Variants in DCHS2 observed in about 807,000 individuals in gnomAD.
The protein encoded by DCHS2 is protocadherin-23.
Under a neutral mutation model 182.4 loss-of-function variants are expected in DCHS2, and 142 were observed. That is an observed-to-expected ratio of 0.78 (90% CI 0.68 to 0.89). The LOEUF (loss-of-function observed/expected upper bound fraction) is 0.89. DCHS2 is among the 40% of genes least tolerant of loss of function. DCHS2 has a pLI of 0.00. For synonymous variants in DCHS2, 1,740 were observed against 1,663.3 expected (o/e 1.05, Z -1.12); for missense variants, 4,319 against 4,198.6 (o/e 1.03, Z -0.79).
At chr4:154,382,217 G>A (rs536685641) in intron 1 of DCHS2, among the ~76,000 whole-genome samples, 2 of 152,192 alleles carry the variant, frequency 1.3e-5, no homozygotes, top group Admixed American at 6.5e-5. Flanking sequence ...TGGGGTAGCT[G>A]GCTAGCCATA....
At position 154,290,870 on chromosome 4, in the gene DCHS2, T is replaced by G. The variant is rs117392057; in HGVS notation, c.6463+6981A>C. Among the ~76,000 whole-genome samples, 37 of 152,120 alleles carry G rather than the reference T, an allele frequency of 2.4e-4. No individual in the cohort carries two copies. In the East Asian group the frequency reaches 6.2e-3, roughly 25 times the overall value. The stretch of plus-strand genomic sequence containing the variant: ...ACATTGGGGAAACGCTCTAGGAAAT[T>G]GGAGTGGGAGTAGATTTCTTGAGTA... On this transcript the variant is annotated intron_variant, in intron 13 of 19. Coordinates refer to ENST00000357232, the MANE Select transcript of DCHS2 (RefSeq NM_001358235.2).
intron 1 of DCHS2, among the ~76,000 whole-genome samples, chr4:154,457,608 A>G (rs1187611013): frequency 6.6e-6 from 1 of 152,208 alleles, no homozygotes; most frequent in African/African-American, 2.4e-5. Flanking sequence ...AACAACCAGC[A>G]GCAGTAGTGT....
intron 13 of DCHS2, among the ~76,000 whole-genome samples, chr4:154,274,181 C>T (rs1250895847): frequency 6.6e-6 from 1 of 152,134 alleles, no homozygotes; most frequent in Non-Finnish European, 1.5e-5. Context: ...GCTGAAGATT[C>T]TGGGCTTTTC....
At chr4:154,331,943 TCC>T (rs1285790583) in intron 5 of DCHS2, among the ~76,000 whole-genome samples, 2 of 152,226 alleles carry the variant, frequency 1.3e-5, no homozygotes, top group African/African-American at 4.8e-5. Flanking sequence ...CTGTAATTAT[TCC>T]CCCTTTTCCT....
chr4:154,400,051 C>T (rs1291374476), intron 1 of DCHS2, among the ~76,000 whole-genome samples: 2 of 152,108 alleles, frequency 1.3e-5, no homozygotes, highest in Admixed American at 6.5e-5. Context: ...TGCCTGTAAT[C>T]CCAGCACTTT....
chr4:154,382,434 G>GA (rs2110822199), intron 1 of DCHS2, among the ~76,000 whole-genome samples: 1 of 152,024 alleles, frequency 6.6e-6, no homozygotes, highest in Non-Finnish European at 1.5e-5. Flanking sequence ...ATTGGCCTTG[G>GA]AAAAAAATTT....
chr4:154,330,566 C>T (rs868434958), intron 5 of DCHS2, among the ~76,000 whole-genome samples: 3 of 151,962 alleles, frequency 2.0e-5, no homozygotes, highest in East Asian at 1.9e-4. Flanking sequence ...GATTTCCTCA[C>T]CATTTATGAA....
Position 154,489,411 on chromosome 4 carries a change from CCAGGCA to C in DCHS2, c.1939_1944del (p.Cys647_Leu648del). 1 of 1,551,744 alleles carries C rather than the reference CCAGGCA, an allele frequency of 6.4e-7. No homozygotes were observed. Among genetic ancestry groups the C allele is most frequent in the Non-Finnish European group, 8.7e-7 (1 of 1,147,000 alleles). The stretch of plus-strand genomic sequence containing the variant: ...TTCACATCATCTACGGTGATGCTCA[CCAGGCA>C]GGTGGCAGAGAGTGGGGGCTCTCCG... On this transcript the variant is annotated inframe_deletion, in exon 1 of 20. Coordinates refer to ENST00000357232, the MANE Select transcript of DCHS2 (RefSeq NM_001358235.2).
intron 7 of DCHS2, among the ~76,000 whole-genome samples, chr4:154,323,698 A>C (rs76710004): frequency 0.012 from 1,857 of 152,332 alleles, 12 homozygotes; most frequent in Middle Eastern, 0.054. Flanking sequence ...TGCAGTCAAA[A>C]CACAGTCAAA....
chr4:154,417,190 TGTGTGTGTGTGTGTGAGAGAGAGA>T (rs1560745700), intron 1 of DCHS2, among the ~76,000 whole-genome samples: 6 of 109,580 alleles, frequency 5.5e-5, no homozygotes, highest in Non-Finnish European at 9.4e-5. Flanking sequence ...TGTGTGTGTG[TGTGTGTGTGTGTGTGAGAGAGAGA>T]GAGAGAGAGA....
rs753273874 is a variant in DCHS2 at position 154,320,656 on chromosome 4, T to A, written c.4743A>T (p.Pro1581=). 1 of 1,614,162 alleles carries A rather than the reference T, an allele frequency of 6.2e-7. No individual in the cohort carries two copies. The highest frequency in any genetic ancestry group is 8.5e-7 in the Non-Finnish European group (1 of 1,180,028). ...ATGCTGTTACTGTCAGGATGACAGT[T>A]GGAATGCTTTCTCTGTCAAGACGGG... ...TVSRLDRESI[P]TVILTVTASD... The change falls in exon 9 of 20, where the codon CCA becomes CCT. Residue 1581 remains proline (P), a synonymous_variant. Transcript: ENST00000357232.
At chr4:154,417,204 T>TGAGAGAGA (rs70947163) in intron 1 of DCHS2, among the ~76,000 whole-genome samples, 1,396 of 39,320 alleles carry the variant, frequency 0.036, 116 homozygotes, top group East Asian at 0.057. Context: ...TGTGTGTGTG[T>TGAGAGAGA]GAGAGAGAGA....
In DCHS2 at chr4:154,333,404, C is replaced by T. The variant is rs1561050201; in HGVS notation, c.2804G>A (p.Arg935Gln). Residue 935 changes from arginine to glutamine, a missense_variant, in exon 5 of 20, where the codon CGG (arginine) becomes CAG (glutamine). By Grantham distance (43) the Arg-to-Gln change is conservative. Coordinates refer to ENST00000357232, the MANE Select transcript of DCHS2 (RefSeq NM_001358235.2). ...CTGCGTCTCGTGATCCAGGGGCTTC[C>T]GGGTGCGAATAGTGCCCAGCCGCGG... The part of the protein sequence containing the change: ...IHPRLGTIRT[R>Q]KPLDHETQPV... 4.3e-6 allele frequency: 7 copies of T among 1,614,062 alleles called. No homozygotes were observed. Among genetic ancestry groups the T allele is most frequent in the Non-Finnish European group, 5.9e-6 (7 of 1,180,018 alleles).
At chr4:154,341,154 G>A (rs1729056455) in intron 3 of DCHS2, among the ~76,000 whole-genome samples, 2 of 152,068 alleles carry the variant, frequency 1.3e-5, no homozygotes, top group Admixed American at 1.3e-4. Context: ...GGATCACGAG[G>A]TCAGGAGATG....
intron 1 of DCHS2, among the ~76,000 whole-genome samples, chr4:154,437,752 A>G (rs1733840602): frequency 6.6e-6 from 1 of 152,216 alleles, no homozygotes; most frequent in Non-Finnish European, 1.5e-5. Flanking sequence ...ATGTTTTTAA[A>G]TCATTATATA....
At chr4:154,294,523 A>G (rs1734834803) in intron 13 of DCHS2, among the ~76,000 whole-genome samples, 1 of 152,220 alleles carries the variant, frequency 6.6e-6, no homozygotes, top group Non-Finnish European at 1.5e-5. Context: ...TACTCCTGCT[A>G]TAATAATCCT....
chr4:154,277,716 A>G (rs748189519), intron 13 of DCHS2, among the ~76,000 whole-genome samples: 9 of 152,100 alleles, frequency 5.9e-5, no homozygotes, highest in Non-Finnish European at 1.0e-4. Flanking sequence ...CCAGGTGCTA[A>G]CCTGAAGAAA....
chr4:154,436,898 G>A (rs1343010625), intron 1 of DCHS2, among the ~76,000 whole-genome samples: 2 of 152,088 alleles, frequency 1.3e-5, no homozygotes, highest in Admixed American at 1.3e-4. Context: ...GTCTTCCATC[G>A]ATTACATGTT....
intron 1 of DCHS2, among the ~76,000 whole-genome samples, chr4:154,481,938 T>C (rs1735937328): frequency 6.6e-6 from 1 of 152,206 alleles, no homozygotes; most frequent in South Asian, 2.1e-4. Context: ...TTCCATCCTC[T>C]CTACCAAGGA....
Sources: gnomAD v4.1 joint callset for allele counts (sites outside exome capture counted in the v4.1 genomes callset) on GRCh38, gnomAD v4.1.1 for gene constraint, MANE v1.5 for transcripts, NCBI Gene and HGNC (gene_info 2026-07-23, HGNC 2026-07-21) for gene names.